The following ESX1 variants were observed in gnomAD, a reference collection of about 807,000 sequenced individuals.
ESX1 encodes homeobox protein ESX1.
Under a neutral mutation model 13.2 loss-of-function variants are expected in ESX1, and 2 were observed. The ratio of observed to expected loss-of-function variants is 0.15; its 90% CI spans 0.06 to 0.48. ESX1 has a LOEUF of 0.48. Ranked by LOEUF, ESX1 falls within the 20% of genes least tolerant of loss-of-function variation. ESX1 has a pLI of 0.97. For missense variants in ESX1, 307 were observed against 379.0 expected, an observed-to-expected ratio of 0.81 and a Z score of 1.58; for synonymous variants, 157 against 163.1, an observed-to-expected ratio of 0.96 and a Z score of 0.29.
chrX:104,251,499 C>T (rs952008497), intron 3 of ESX1, among the ~76,000 whole-genome samples: 3 of 112,195 alleles, frequency 2.7e-5, no homozygotes, highest in Non-Finnish European at 5.6e-5. Flanking sequence ...GGCTGCTTTT[C>T]CAGACATCAC....
At chrX:104,251,297 T>C (rs782723335) in intron 3 of ESX1, among the ~76,000 whole-genome samples, 8 of 112,567 alleles carry the variant, frequency 7.1e-5, no homozygotes, top group African/African-American at 9.7e-5. Context: ...TTCTGGCTCT[T>C]TCTTCCTTCC....
rs1923171933 is a variant in ESX1 at position 104,250,999 on chromosome X, G to A, written c.553-103C>T. 5 of 708,947 alleles carry A rather than the reference G, an allele frequency of 7.1e-6. No individual in the cohort carries two copies. In the East Asian group the frequency reaches 1.6e-4, roughly 23 times the overall value. The allele number at this position is 708,947 out of a possible 1,213,427, so 58.4% of individuals were successfully genotyped here. On this transcript the variant is annotated intron_variant, in intron 3 of 3. Coordinates refer to ENST00000372588, the MANE Select transcript of ESX1 (RefSeq NM_153448.4). ...CTATATGCCACTGAGACTTTAAACT[G>A]CAACAGGTGAAGCTATTTTCTTATT...
At position 104,254,916 on chromosome X, in the gene ESX1, G is replaced by T; in HGVS notation, c.-67C>A. 1.0e-6 allele frequency: 1 copy of T among 985,949 alleles called. No homozygotes were observed. The highest frequency in any genetic ancestry group is 1.4e-6 in the Non-Finnish European group (1 of 697,561). The allele number at this position is 985,949 out of a possible 1,213,427, so 81.3% of individuals were successfully genotyped here. A position where few individuals can be genotyped will look rare whatever the true frequency, so the allele number is the denominator to read the frequency against. Reference sequence around the variant, plus strand: ...CTGTGCGTGGTTCCGCGGCGATCCCGGGGTTGGAACTGGCTCTGGGACCAA... The same window carrying T: ...CTGTGCGTGGTTCCGCGGCGATCCCTGGGTTGGAACTGGCTCTGGGACCAA... On this transcript the variant is annotated 5_prime_UTR_variant, in exon 1 of 4. Coordinates refer to ENST00000372588, the MANE Select transcript of ESX1 (RefSeq NM_153448.4).
rs1923134316 is a variant in ESX1 at position 104,250,380 on chromosome X, G to GAGGCGCCATGGGCGGCCCGGGTGGCAC, written c.1068_1069insGTGCCACCCGGGCCGCCCATGGCGCCT (p.Pro356_Leu357insValProProGlyProProMetAlaPro). On this transcript the variant is annotated inframe_insertion, in exon 4 of 4. Transcript: ENST00000372588. The stretch of plus-strand genomic sequence containing the variant: ...GGCGCCATGGGCGGCCCGGGTGGCA[G>GAGGCGCCATGGGCGGCCCGGGTGGCAC]AGGCGCCATGGGCGGCCCGGGTGGC... 3 of 994,513 alleles carry GAGGCGCCATGGGCGGCCCGGGTGGCAC rather than the reference G, an allele frequency of 3.0e-6. No individual in the cohort carries two copies. The Admixed American group carries it at 1.7e-4, about 56-fold the overall frequency. 82.0% of individuals were successfully genotyped at this position (994,513 alleles called of 1,213,427 possible).
intron 2 of ESX1, among the ~76,000 whole-genome samples, chrX:104,253,151 A>AT (rs1382023355): frequency 2.3e-5 from 2 of 87,825 alleles, no homozygotes; most frequent in Non-Finnish European, 4.7e-5. Context: ...TCAAAAAAAA[A>AT]ACATATATAT....
Position 104,254,558 on chromosome X carries a change from G to C in ESX1, c.102C>G (p.Thr34=). Residue 34 remains threonine, a synonymous_variant, in exon 2 of 4, where the codon ACC becomes ACG. Coordinates refer to ENST00000372588, the MANE Select transcript of ESX1 (RefSeq NM_153448.4). ...EEVNDEKLTV[T]SLMARGGEDE... ...CCTCTCCTCCCCTTGCCATCAGCGAGGTCACGGTAAGTTTCTCATCTGGGA... is the reference window on the plus strand; with the variant it reads ...CCTCTCCTCCCCTTGCCATCAGCGACGTCACGGTAAGTTTCTCATCTGGGA... 1 of 1,209,112 alleles carries C rather than the reference G, an allele frequency of 8.3e-7. No homozygotes were observed. Among genetic ancestry groups the C allele is most frequent in the Non-Finnish European group, 1.1e-6 (1 of 893,286 alleles).
chrX:104,254,656 C>A, intron 1 of ESX1, 79 bp from the exon 2 acceptor site: 1 of 1,154,030 alleles, frequency 8.7e-7, no homozygotes, highest in Non-Finnish European at 1.2e-6. Context: ...AGGGGACCCG[C>A]TATGGAAGAG....
At position 104,254,861 on chromosome X, in the gene ESX1, T is replaced by A. The variant is rs1602543628; in HGVS notation, c.-12A>T. The A allele has an allele frequency of 5.0e-6, 6 of 1,191,546 alleles. No individual in the cohort carries two copies. The highest frequency in any genetic ancestry group is 6.8e-6 in the Non-Finnish European group (6 of 877,415). On this transcript the variant is annotated 5_prime_UTR_variant, in exon 1 of 4. Coordinates refer to ENST00000372588, the MANE Select transcript of ESX1 (RefSeq NM_153448.4). ...CGAAGAGACTCCATGCTTCAAGCGCTGTCGATAAAGCTGTGCACTTCTGCA... is the reference window on the plus strand; with the variant it reads ...CGAAGAGACTCCATGCTTCAAGCGCAGTCGATAAAGCTGTGCACTTCTGCA...
At position 104,254,225 on chromosome X, in the gene ESX1, C is replaced by G; in HGVS notation, c.435G>C (p.Ala145=). The stretch of plus-strand genomic sequence containing the variant: ...GCTCCTGCAGCTGAAACTGCGTGAA[C>G]GCGGTGCGGCGGCGGCGTTTCCTCT... ...PPERKRRRRT[A]FTQFQLQELE... The change falls in exon 2 of 4, where the codon GCG becomes GCC. Residue 145 remains alanine (A), a synonymous_variant. Transcript: ENST00000372588. The G allele has an allele frequency of 8.3e-7, 1 of 1,212,033 alleles. No individual in the cohort carries two copies. The highest frequency in any genetic ancestry group is 1.1e-6 in the Non-Finnish European group (1 of 895,447).
chrX:104,252,728 A>G (rs929464655), intron 3 of ESX1, 55 bp downstream of exon 3: 62 of 1,107,620 alleles, frequency 5.6e-5, no homozygotes, highest in Non-Finnish European at 7.2e-5. Flanking sequence ...GACAAAACCT[A>G]AAGCATGCTT....
At position 104,250,634 on chromosome X, in the gene ESX1, G is replaced by A. The variant is rs1923159165; in HGVS notation, c.815C>T (p.Pro272Leu). ...TGAGCCGGGTGGCACAGGCGCCATGGGTGGCATAGGTGCTATGGGTGGCCT... is the reference window on the plus strand; with the variant it reads ...TGAGCCGGGTGGCACAGGCGCCATGAGTGGCATAGGTGCTATGGGTGGCCT... ...PPRPPIAPMPPMAPVPPGSRM... is the reference protein window; with the variant it reads ...PPRPPIAPMPLMAPVPPGSRM... The change falls in exon 4 of 4, where the codon CCC becomes CTC. Residue 272 changes from proline to leucine, a missense_variant. Transcript: ENST00000372588. 1 of 1,206,343 alleles carries A rather than the reference G, an allele frequency of 8.3e-7. No individual in the cohort carries two copies. The highest frequency in any genetic ancestry group is 2.2e-5 in the Admixed American group (1 of 45,740).
intron 3 of ESX1, among the ~76,000 whole-genome samples, chrX:104,251,416 G>A (rs1215068986): frequency 1.8e-5 from 2 of 111,490 alleles, no homozygotes; most frequent in Admixed American, 9.6e-5. Context: ...AGAAGGCAGA[G>A]GATACGTCAT....
chrX:104,254,385 G>A lies in ESX1; in HGVS notation c.275C>T (p.Thr92Ile), dbSNP rs1051511075. 1 of 1,211,229 alleles carries A rather than the reference G, an allele frequency of 8.3e-7. No individual in the cohort carries two copies. Among genetic ancestry groups the A allele is most frequent in the Non-Finnish European group, 1.1e-6 (1 of 895,365 alleles). ...PEQQQEEPPLTKPEQQQEEPP... is the reference protein window; with the variant it reads ...PEQQQEEPPLIKPEQQQEEPP... ...CTCCTCCTGCTGTTGCTCCGGCTTG[G>A]TCAGGGGCGGCTCCTCCTGCTGTTG... The change falls in exon 2 of 4, where the codon ACC (threonine) becomes ATC (isoleucine). Residue 92 changes from threonine to isoleucine, a missense_variant. Transcript: ENST00000372588.
In ESX1 at chrX:104,254,750, C is replaced by T. The variant is rs781850695; in HGVS notation, c.82+18G>A. ...TTTTGGAGTTCGCGAAAGCTCCCGTCCCTGTCCAAGCACTAACCATTCACT... is the reference window on the plus strand; with the variant it reads ...TTTTGGAGTTCGCGAAAGCTCCCGTTCCTGTCCAAGCACTAACCATTCACT... On this transcript the variant is annotated intron_variant, in intron 1 of 3. Coordinates refer to ENST00000372588, the MANE Select transcript of ESX1 (RefSeq NM_153448.4). 4.2e-6 allele frequency: 5 copies of T among 1,198,327 alleles called. No individual in the cohort carries two copies. In the African/African-American group the frequency reaches 5.3e-5, roughly 13 times the overall value.
At position 104,254,276 on chromosome X, in the gene ESX1, TTGTGGCCCCTCCGCCGGC is replaced by T. The variant is rs1569473183; in HGVS notation, c.366_383del (p.Pro123_Gln128del). ...CTGGGGGCTGTGGTCCCTCAGCGGT[TTGTGGCCCCTCCGCCGGC>T]TGTGGCCCCTCCACGGTCGTCTGGG... On this transcript the variant is annotated inframe_deletion, in exon 2 of 4. Transcript: ENST00000372588. 11 of 1,211,861 alleles carry T rather than the reference TTGTGGCCCCTCCGCCGGC, an allele frequency of 9.1e-6. No individual in the cohort carries two copies. The Admixed American group carries it at 1.3e-4, about 14-fold the overall frequency.
Position 104,250,714 on chromosome X carries a change from A to G in ESX1, c.735T>C (p.Pro245=). Residue 245 remains proline, a synonymous_variant, in exon 4 of 4, where the codon CCT becomes CCC. Coordinates refer to ENST00000372588, the MANE Select transcript of ESX1 (RefSeq NM_153448.4). ...GTGGCATAGGTGGCACAGGCAGCACAGGTGGTCTAGGTAGTTGTGGCACCA... is the reference window on the plus strand; with the variant it reads ...GTGGCATAGGTGGCACAGGCAGCACGGGTGGTCTAGGTAGTTGTGGCACCA... ...VHLVPQLPRP[P]VLPVPPMPPR... is the part of the protein sequence containing the mutation. 8.3e-7 allele frequency: 1 copy of G among 1,211,846 alleles called. No homozygotes were observed. The highest frequency in any genetic ancestry group is 1.1e-6 in the Non-Finnish European group (1 of 895,498).
Position 104,254,762 on chromosome X carries a change from A to C in ESX1, c.82+6T>G. On this transcript the variant is annotated splice_donor_region_variant and intron_variant, in intron 1 of 3. Transcript: ENST00000372588. ...CGAAAGCTCCCGTCCCTGTCCAAGC[A>C]CTAACCATTCACTTCCTCGATGTCC... is the stretch of plus-strand genomic sequence containing the variant. The C allele has an allele frequency of 8.3e-7, 1 of 1,205,423 alleles. No individual in the cohort carries two copies. The highest frequency in any genetic ancestry group is 1.1e-6 in the Non-Finnish European group (1 of 889,599).
chrX:104,251,169 G>C (rs782403533), intron 3 of ESX1, among the ~76,000 whole-genome samples: 12 of 111,749 alleles, frequency 1.1e-4, no homozygotes, highest in Non-Finnish European at 2.3e-4. Context: ...CATAAAATAA[G>C]TCTACTATAT....
chrX:104,251,122 T>C (rs1556394244), intron 3 of ESX1, among the ~76,000 whole-genome samples: 1 of 111,330 alleles, frequency 9.0e-6, no homozygotes, highest in Non-Finnish European at 1.9e-5. Context: ...AATTTTGGTA[T>C]GGGCCCATAT....
Sources: gnomAD v4.1 joint callset for allele counts (sites outside exome capture counted in the v4.1 genomes callset) on GRCh38, gnomAD v4.1.1 for gene constraint, MANE v1.5 for transcripts, NCBI Gene and HGNC (gene_info 2026-07-23, HGNC 2026-07-21) for gene names.